Variants in ELAVL2 observed in about 807,000 individuals in gnomAD.
ELAVL2 encodes ELAV like RNA binding protein 2, also known as ELAV-like protein 2.
In ELAVL2, 4 loss-of-function variants were observed where a neutral mutation model predicts 34.6. The ratio of observed to expected loss-of-function variants is 0.12; its 90% confidence interval spans 0.06 to 0.26. The LOEUF is 0.26. Ranked by LOEUF, ELAVL2 falls within the 10% of genes least tolerant of loss-of-function variation. The pLI, the probability that ELAVL2 is intolerant of heterozygous loss-of-function variation, is 1.00. For synonymous variants in ELAVL2, 193 were observed against 154.8 expected (o/e 1.25, Z -1.83); for missense variants, 432 against 442.8 (o/e 0.98, Z 0.22).
chr9:23,708,945 T>C (rs1346715832), intron 3 of ELAVL2, among the ~76,000 whole-genome samples: 2 of 152,184 alleles, frequency 1.3e-5, no homozygotes, highest in Non-Finnish European at 2.9e-5. Flanking sequence ...GCTCCATTAA[T>C]ATTTTTAAGA....
chr9:23,778,675 A>G (rs2058607479), intron 1 of ELAVL2, among the ~76,000 whole-genome samples: 1 of 152,160 alleles, frequency 6.6e-6, no homozygotes, highest in Non-Finnish European at 1.5e-5. Flanking sequence ...GAGGTTCAGA[A>G]TGTCAGAGTA....
intron 2 of ELAVL2, among the ~76,000 whole-genome samples, chr9:23,744,748 G>GA (rs938349728): frequency 2.7e-5 from 4 of 149,602 alleles, no homozygotes; most frequent in Admixed American, 6.7e-5. Flanking sequence ...CACCCCCCAC[G>GA]AAAAAAAATA....
intron 3 of ELAVL2, among the ~76,000 whole-genome samples, chr9:23,712,139 C>A (rs1238174407): frequency 6.6e-6 from 1 of 152,040 alleles, no homozygotes; most frequent in Admixed American, 6.6e-5. Context: ...ATCATTTAGT[C>A]CAATTTCTTT....
intron 4 of ELAVL2, 151 bp from the exon 5 acceptor site, chr9:23,701,755 C>T: frequency 2.3e-6 from 2 of 863,974 alleles, no homozygotes; most frequent in East Asian, 2.6e-5. Flanking sequence ...GGAAACTTTC[C>T]CCTTTACTTA....
intron 1 of ELAVL2, among the ~76,000 whole-genome samples, chr9:23,791,640 T>C (rs1265401304): frequency 6.6e-6 from 1 of 152,152 alleles, no homozygotes; most frequent in Non-Finnish European, 1.5e-5. Context: ...TCCAATAGGA[T>C]TGGTGTCCAT....
At chr9:23,721,491 A>T (rs2043702953) in intron 3 of ELAVL2, among the ~76,000 whole-genome samples, 3 of 152,308 alleles carry the variant, frequency 2.0e-5, no homozygotes. Flanking sequence ...TGATCAAGAA[A>T]CCAAGAACAG....
At chr9:23,762,702 C>T (rs1267503563) in intron 1 of ELAVL2, among the ~76,000 whole-genome samples, 3 of 152,018 alleles carry the variant, frequency 2.0e-5, no homozygotes, top group African/African-American at 4.8e-5. Context: ...CTAAGAGGTT[C>T]AATATTCTAA....
At chr9:23,762,271 A>C (rs1564341896) in intron 1 of ELAVL2, 22 bp from the exon 2 acceptor site, 1 of 1,610,442 alleles carries the variant, frequency 6.2e-7, no homozygotes. Context: ...GAAAACAAGA[A>C]ATGTCAGAAT....
At chr9:23,787,850 C>T (rs2059883203) in intron 1 of ELAVL2, among the ~76,000 whole-genome samples, 1 of 152,152 alleles carries the variant, frequency 6.6e-6, no homozygotes, top group African/African-American at 2.4e-5. Flanking sequence ...TAGTGCCAAA[C>T]AAACAAGAGT....
intron 3 of ELAVL2, among the ~76,000 whole-genome samples, chr9:23,725,860 T>C (rs1420078124): frequency 6.6e-6 from 1 of 152,146 alleles, no homozygotes; most frequent in East Asian, 1.9e-4. Flanking sequence ...TAGCAGACCA[T>C]GAAAAGCTTT....
intron 1 of ELAVL2, among the ~76,000 whole-genome samples, chr9:23,790,873 G>A (rs1294227551): frequency 3.9e-5 from 6 of 152,008 alleles, no homozygotes; most frequent in African/African-American, 1.4e-4. Flanking sequence ...CACAAACATC[G>A]CAGGTCTCCT....
chr9:23,709,940 G>T (rs1363563155), intron 3 of ELAVL2, among the ~76,000 whole-genome samples: 1 of 151,998 alleles, frequency 6.6e-6, no homozygotes, highest in African/African-American at 2.4e-5. Context: ...GTTTATTCTG[G>T]AATTTCTCAC....
chr9:23,761,017 T>C (rs1222578723), intron 2 of ELAVL2, among the ~76,000 whole-genome samples: 4 of 152,062 alleles, frequency 2.6e-5, no homozygotes, highest in Non-Finnish European at 4.4e-5. Context: ...ATTTTGCCAA[T>C]GGAAACCAGA....
the ELAVL2 span, among the ~76,000 whole-genome samples, chr9:23,840,682 A>G: frequency 2.6e-5 from 4 of 152,176 alleles, no homozygotes; most frequent in Non-Finnish European, 5.9e-5. Flanking sequence ...CCGTTAGTAA[A>G]ATGAAACAAC....
chr9:23,817,350 A>C (rs1404425224), intron 1 of ELAVL2, among the ~76,000 whole-genome samples: 1 of 152,174 alleles, frequency 6.6e-6, no homozygotes, highest in East Asian at 1.9e-4. Context: ...TTACTCCTCA[A>C]AGCCCCCATC....
Position 23,698,243 on chromosome 9 carries a change from T to C in ELAVL2, c.713+3136A>G, listed in dbSNP as rs150297563. On this transcript the variant is annotated intron_variant, in intron 5 of 6. Transcript: ENST00000397312. ...ATTCTGATATCATGTCCCAAGAATA[T>C]ACTTAAGGGGCTTGAATTACACCAT... is the stretch of plus-strand genomic sequence containing the variant. 4.4e-4 allele frequency among the ~76,000 whole-genome samples: 67 copies of C among 152,278 alleles called. 1 individual carries two copies. The South Asian group carries it at 4.6e-3, about 10-fold the overall frequency.
chr9:23,832,313 C>T, the ELAVL2 span: 1 of 152,088 alleles, frequency 6.6e-6, no homozygotes, highest in East Asian at 1.9e-4. Flanking sequence ...TCCCTTTACC[C>T]AGGTAATTAC....
chr9:23,799,739 G>A (rs2061366456), intron 1 of ELAVL2, among the ~76,000 whole-genome samples: 1 of 152,150 alleles, frequency 6.6e-6, no homozygotes, highest in African/African-American at 2.4e-5. Context: ...GCTAGACTAA[G>A]CTTCTTTACA....
intron 1 of ELAVL2, 98 bp from the exon 2 acceptor site, chr9:23,762,347 G>A (rs763509336): frequency 1.4e-4 from 201 of 1,459,664 alleles, no homozygotes; most frequent in Middle Eastern, 3.6e-4. Context: ...AACACAAGTC[G>A]TTCTAATGAA....
Sources: allele counts gnomAD v4.1 joint callset (sites outside exome capture counted in the v4.1 genomes callset), GRCh38; gene constraint gnomAD v4.1.1; transcripts MANE v1.5; gene names NCBI Gene and HGNC (gene_info 2026-07-23, HGNC 2026-07-21).